BPIFB1: variants seen among roughly 807,000 people sequenced by gnomAD.
BPIFB1 encodes BPI fold containing family B member 1.
Under a neutral mutation model 55.1 loss-of-function variants are expected in BPIFB1, and 34 were observed. The ratio of observed to expected loss-of-function variants is 0.62; its 90% CI spans 0.47 to 0.82. The LOEUF is 0.82. Among genes scored for constraint, BPIFB1 ranks in the 40% least tolerant of loss-of-function variants. BPIFB1 has a pLI of 0.00. For synonymous variants in BPIFB1, 236 were observed against 245.3 expected (o/e 0.96, Z 0.35); for missense variants, 532 against 593.1 (o/e 0.90, Z 1.07).
intron 6 of BPIFB1, among the ~76,000 whole-genome samples, chr20:33,295,887 G>A (rs1480709386): frequency 2.2e-5 from 3 of 138,998 alleles, no homozygotes; most frequent in African/African-American, 5.4e-5. Flanking sequence ...GGAAGGGAAG[G>A]AAGGAAAGAA....
chr20:33,300,381 C>T (rs1980807364), intron 8 of BPIFB1, among the ~76,000 whole-genome samples: 1 of 152,210 alleles, frequency 6.6e-6, no homozygotes, highest in Non-Finnish European at 1.5e-5. Context: ...TCCTTTACCT[C>T]CCTGAGCCTC....
intron 6 of BPIFB1, among the ~76,000 whole-genome samples, chr20:33,295,741 GGA>G (rs536845276): frequency 5.0e-5 from 7 of 140,976 alleles, no homozygotes; most frequent in African/African-American, 1.1e-4. Flanking sequence ...AAGGAAGGAA[GGA>G]GAGAGAGAGA....
Position 33,288,835 on chromosome 20 carries a change from C to A in BPIFB1, c.210C>A (p.Ile70=). ...SAMREKPAGG[I]PVLGSLVNTV... is the part of the protein sequence containing the mutation. ...TGCGGGAAAAGCCAGCCGGAGGCAT[C>A]CCTGTGCTGGGCAGCCTGGTGAACA... Residue 70 remains isoleucine (I), a synonymous_variant, in exon 3 of 16, where the codon ATC becomes ATA. Coordinates refer to ENST00000253354, the MANE Select transcript of BPIFB1 (RefSeq NM_033197.3). 6.2e-7 allele frequency: 1 copy of A among 1,613,946 alleles called. No individual in the cohort carries two copies. The highest frequency in any genetic ancestry group is 8.5e-7 in the Non-Finnish European group (1 of 1,180,008).
At chr20:33,297,676 G>C in intron 7 of BPIFB1, 88 bp downstream of exon 7, 2 of 1,402,702 alleles carry the variant, frequency 1.4e-6, no homozygotes, top group South Asian at 2.3e-5. Flanking sequence ...GCCTCCCCAA[G>C]TCAGGCCTGA....
chr20:33,306,939 A>G lies in BPIFB1; in HGVS notation c.1347A>G (p.Ser449=), dbSNP rs1981049006. The part of the protein sequence containing the change: ...NGKLRSGVPV[S]LVKALGFEAA... ...AATTAAGATCTGGGGTCCCAGTGTC[A>G]TTGGTGAAGGCCTTGGGATTCGAGG... Residue 449 remains serine, a synonymous_variant, in exon 15 of 16, where the codon TCA becomes TCG. Coordinates refer to ENST00000253354, the MANE Select transcript of BPIFB1 (RefSeq NM_033197.3). The G allele has an allele frequency of 1.2e-6, 2 of 1,614,074 alleles. No homozygotes were observed. The highest frequency in any genetic ancestry group is 1.7e-6 in the Non-Finnish European group (2 of 1,179,998).
chr20:33,300,907 A>T (rs556446169), intron 8 of BPIFB1, among the ~76,000 whole-genome samples: 53 of 152,228 alleles, frequency 3.5e-4, no homozygotes, highest in African/African-American at 1.2e-3. Flanking sequence ...GTTTCTATGG[A>T]TCCTTTGGAA....
chr20:33,294,391 G>A (rs1002676618), intron 6 of BPIFB1, among the ~76,000 whole-genome samples: 1 of 152,168 alleles, frequency 6.6e-6, no homozygotes, highest in Non-Finnish European at 1.5e-5. Flanking sequence ...ATAATGAATT[G>A]TGTGATCTCA....
chr20:33,286,542 C>T (rs564229336), intron 2 of BPIFB1, among the ~76,000 whole-genome samples: 1 of 152,362 alleles, frequency 6.6e-6, no homozygotes, highest in African/African-American at 2.4e-5. Flanking sequence ...TGCTCCTCCT[C>T]CCCAGAGCAG....
intron 1 of BPIFB1, among the ~76,000 whole-genome samples, chr20:33,284,832 C>T (rs1006880959): frequency 2.0e-5 from 3 of 152,156 alleles, no homozygotes; most frequent in Non-Finnish European, 4.4e-5. Context: ...GGCCAGAATA[C>T]CCCCAAGCTC....
intron 3 of BPIFB1, 21 bp downstream of exon 3, chr20:33,288,903 C>T (rs1479053222): frequency 6.2e-7 from 1 of 1,606,512 alleles, no homozygotes; most frequent in Admixed American, 1.7e-5. Flanking sequence ...CAGGACCACA[C>T]CAGGAGCTAG....
chr20:33,286,500 G>A (rs541784971), intron 2 of BPIFB1, among the ~76,000 whole-genome samples: 12 of 152,336 alleles, frequency 7.9e-5, no homozygotes, highest in South Asian at 4.1e-4. Flanking sequence ...AAATCCCATC[G>A]TCAGAGCACC....
intron 1 of BPIFB1, among the ~76,000 whole-genome samples, chr20:33,283,527 C>G (rs1980164924): frequency 6.6e-6 from 1 of 152,138 alleles, no homozygotes; most frequent in Non-Finnish European, 1.5e-5. Context: ...ATACCAGTTG[C>G]TCTGTCCCAG....
chr20:33,306,871 C>T (rs1187287801), intron 14 of BPIFB1, 40 bp from the exon 15 acceptor site: 1 of 1,571,988 alleles, frequency 6.4e-7, no homozygotes, highest in African/African-American at 1.4e-5. Context: ...CCCAGTCTCA[C>T]CCCAGGCCCA....
chr20:33,303,599 A>T (rs1327777078), intron 11 of BPIFB1, among the ~76,000 whole-genome samples: 3 of 152,204 alleles, frequency 2.0e-5, no homozygotes, highest in Non-Finnish European at 4.4e-5. Flanking sequence ...TCAGTTGCCC[A>T]TTCTTGAGCC....
chr20:33,285,070 G>A (rs1980220863), intron 1 of BPIFB1, among the ~76,000 whole-genome samples: 1 of 152,168 alleles, frequency 6.6e-6, no homozygotes, highest in South Asian at 2.1e-4. Flanking sequence ...TTCTCCAAGT[G>A]TGGTCCAGGT....
chr20:33,301,937 G>T (rs1446427970), intron 9 of BPIFB1, among the ~76,000 whole-genome samples: 1 of 152,162 alleles, frequency 6.6e-6, no homozygotes, highest in Non-Finnish European at 1.5e-5. Context: ...AGGTCCAGAG[G>T]GGGAAAGGGT....
At chr20:33,292,377 CAA>C (rs1422522155) in intron 6 of BPIFB1, among the ~76,000 whole-genome samples, 1 of 152,098 alleles carries the variant, frequency 6.6e-6, no homozygotes, top group African/African-American at 2.4e-5. Flanking sequence ...AAAAGATATA[CAA>C]TAGCACACGA....
intron 2 of BPIFB1, among the ~76,000 whole-genome samples, chr20:33,287,582 G>T (rs1229041054): frequency 6.6e-6 from 1 of 152,214 alleles, no homozygotes; most frequent in East Asian, 1.9e-4. Context: ...AGCCCTCTTT[G>T]TAGAGGGTGT....
At chr20:33,295,668 G>A (rs1980619921) in intron 6 of BPIFB1, among the ~76,000 whole-genome samples, 1 of 141,738 alleles carries the variant, frequency 7.1e-6, no homozygotes, top group African/African-American at 2.7e-5. Flanking sequence ...AAGAGAGAAA[G>A]AAAGAAAGAA....
Sources: allele counts gnomAD v4.1 joint callset (sites outside exome capture counted in the v4.1 genomes callset), GRCh38; gene constraint gnomAD v4.1.1; transcripts MANE v1.5; gene names NCBI Gene and HGNC (gene_info 2026-07-23, HGNC 2026-07-21).